The following ETNK1 variants were observed in gnomAD, a reference collection of about 807,000 sequenced individuals.
ETNK1 encodes putative protein product of Nbla10396.
A neutral mutation model predicts 45.1 loss-of-function variants in ETNK1; 8 were observed. The observed-to-expected ratio is 0.18, with a 90% CI of 0.10 to 0.32. ETNK1 has a LOEUF of 0.32. Ranked by LOEUF, ETNK1 falls within the 10% of genes least tolerant of loss-of-function variation. The probability of loss-of-function intolerance (pLI) is 1.00; values close to 1 mark genes in which losing one functional copy is unlikely to be tolerated. For synonymous variants in ETNK1, 152 were observed against 151.9 expected, an observed-to-expected ratio of 1.00 and a Z score of -0.01; for missense variants, 302 against 430.6, an observed-to-expected ratio of 0.70 and a Z score of 2.64.
intron 1 of ETNK1, among the ~76,000 whole-genome samples, chr12:22,629,772 C>A (rs1169854761): frequency 6.6e-6 from 1 of 152,054 alleles, no homozygotes; most frequent in African/African-American, 2.4e-5. Flanking sequence ...TATTAGTTTA[C>A]TTTCCCTAAG....
At position 22,687,673 on chromosome 12, in the gene ETNK1, T is replaced by C. The variant is rs2137583173; in HGVS notation, c.*2719T>C. On this transcript the variant is annotated 3_prime_UTR_variant, in exon 8 of 8. Transcript: ENST00000266517. ...AAATCATACAGTACACACGATCATCTGAGATCAATATGAGCACAAAACTCA... is the reference window on the plus strand; with the variant it reads ...AAATCATACAGTACACACGATCATCCGAGATCAATATGAGCACAAAACTCA... 1 of 152,384 alleles carries C rather than the reference T, an allele frequency of 6.6e-6. No individual in the cohort carries two copies. The highest frequency in any genetic ancestry group is 2.1e-4 in the South Asian group (1 of 4,826). 9.4% of individuals were successfully genotyped at this position (152,384 alleles called of 1,614,324 possible).
At chr12:22,638,684 A>G (rs1012789926) in intron 1 of ETNK1, 2 of 152,164 alleles carry the variant, frequency 1.3e-5, no homozygotes, top group African/African-American at 4.8e-5. Context: ...TATGTTTTGT[A>G]ATTCTCTAAT....
chr12:22,641,773 C>T (rs73080479), intron 1 of ETNK1, among the ~76,000 whole-genome samples: 9,672 of 152,066 alleles, frequency 0.064, 442 homozygotes, highest in South Asian at 0.14. Flanking sequence ...TTGATAAATG[C>T]GAGATTATAT....
intron 4 of ETNK1, among the ~76,000 whole-genome samples, chr12:22,670,499 A>G (rs951468674): frequency 2.0e-5 from 3 of 152,142 alleles, no homozygotes; most frequent in African/African-American, 7.2e-5. Flanking sequence ...GAGTAGTAGT[A>G]TGAAAGAACT....
intron 2 of ETNK1, 125 bp downstream of exon 2, chr12:22,644,147 A>G (rs1320782695): frequency 1.3e-6 from 2 of 1,507,644 alleles, no homozygotes; most frequent in Admixed American, 4.3e-5. Flanking sequence ...TTCTTTAGCT[A>G]GGGTTTTTGT....
At chr12:22,634,096 C>G (rs1300871161) in intron 1 of ETNK1, among the ~76,000 whole-genome samples, 1 of 152,040 alleles carries the variant, frequency 6.6e-6, no homozygotes, top group Non-Finnish European at 1.5e-5. Context: ...TCTTTAATGA[C>G]TCTACCAGAT....
chr12:22,645,131 A>G (rs1345154490), intron 2 of ETNK1, among the ~76,000 whole-genome samples: 2 of 151,954 alleles, frequency 1.3e-5, no homozygotes, highest in East Asian at 1.9e-4. Flanking sequence ...CTGTGTGTCA[A>G]TTGTTTTGTG....
chr12:22,626,312 T>C (rs1463173214), intron 1 of ETNK1: 2 of 152,664 alleles, frequency 1.3e-5, no homozygotes, highest in Non-Finnish European at 2.9e-5. Context: ...TTCTAATAAG[T>C]TGGAAGTTAT....
intron 1 of ETNK1, among the ~76,000 whole-genome samples, chr12:22,633,328 C>T (rs956780017): frequency 6.6e-6 from 1 of 152,204 alleles, no homozygotes; most frequent in African/African-American, 2.4e-5. Context: ...CTTGGCCTCC[C>T]AAAGTGCTGG....
chr12:22,669,406 C>A (rs541941486), intron 4 of ETNK1, among the ~76,000 whole-genome samples: 5 of 151,462 alleles, frequency 3.3e-5, no homozygotes, highest in African/African-American at 1.2e-4. Context: ...TTCATCCTTC[C>A]CCCCCATGCA....
intron 6 of ETNK1, among the ~76,000 whole-genome samples, chr12:22,678,698 A>G (rs1311398230): frequency 1.3e-5 from 2 of 152,238 alleles, no homozygotes. Flanking sequence ...TGAGCTTTTT[A>G]CGATTAGTTT....
chr12:22,643,556 A>G (rs180975556), intron 1 of ETNK1, among the ~76,000 whole-genome samples: 41 of 152,210 alleles, frequency 2.7e-4, no homozygotes, highest in Middle Eastern at 6.8e-3. Context: ...ATTAAGGGCA[A>G]CATGTTAACA....
Position 22,676,974 on chromosome 12 carries a change from C to T in ETNK1, c.945+3314C>T, listed in dbSNP as rs549924701. Among the ~76,000 whole-genome samples, 38 of 151,986 alleles carry T rather than the reference C, an allele frequency of 2.5e-4. 1 individual carries two copies. The highest frequency in any genetic ancestry group is 8.0e-4 in the African/African-American group (33 of 41,490). ...TCTGTGGGTTGCCTGTTCACTCTGA[C>T]GATAGTTTCTTTTGCTGTGCAGAAG... is the stretch of plus-strand genomic sequence containing the variant. On this transcript the variant is annotated intron_variant, in intron 6 of 7. Coordinates refer to ENST00000266517, the MANE Select transcript of ETNK1 (RefSeq NM_018638.5).
intron 2 of ETNK1, among the ~76,000 whole-genome samples, chr12:22,650,759 A>G (rs1434638239): frequency 6.6e-6 from 1 of 152,076 alleles, no homozygotes; most frequent in Non-Finnish European, 1.5e-5. Flanking sequence ...AAATATAAAA[A>G]TGTAGCATTT....
chr12:22,643,382 G>A (rs1953763330), intron 1 of ETNK1, among the ~76,000 whole-genome samples: 1 of 151,968 alleles, frequency 6.6e-6, no homozygotes, highest in Admixed American at 6.6e-5. Flanking sequence ...TTCCCTGTAT[G>A]TGTACATTCC....
In ETNK1 at chr12:22,687,781, CTG is replaced by C. The variant is rs1454977701; in HGVS notation, c.*2831_*2832del. Reference sequence around the variant, plus strand: ...TGTGAACTGTATCTTGCATATGAGACTGTGTATTGTTTTGCATTCTCTTCCCT... The same window carrying C: ...TGTGAACTGTATCTTGCATATGAGACTGTATTGTTTTGCATTCTCTTCCCT... On this transcript the variant is annotated 3_prime_UTR_variant, in exon 8 of 8. Transcript: ENST00000266517. 1 of 152,218 alleles carries C rather than the reference CTG, an allele frequency of 6.6e-6. No individual in the cohort carries two copies. Among genetic ancestry groups the C allele is most frequent in the East Asian group, 1.9e-4 (1 of 5,186 alleles). 9.4% of individuals were successfully genotyped at this position (152,218 alleles called of 1,614,324 possible).
chr12:22,656,864 T>C (rs1953948340), intron 2 of ETNK1: 1 of 906,252 alleles, frequency 1.1e-6, no homozygotes, highest in Non-Finnish European at 1.3e-6. Context: ...TTTCAGTAAA[T>C]ATTTCTAAGA....
At chr12:22,646,352 T>C (rs1953806990) in intron 2 of ETNK1, among the ~76,000 whole-genome samples, 1 of 151,766 alleles carries the variant, frequency 6.6e-6, no homozygotes. Context: ...GGTGAAATAC[T>C]TCTAAAATAC....
At chr12:22,644,279 C>A in intron 2 of ETNK1, 1 of 1,605,218 alleles carries the variant, frequency 6.2e-7, no homozygotes, top group Non-Finnish European at 8.5e-7. Context: ...TGCAGAGGGT[C>A]AAGGCTTCTG....
Sources: gnomAD v4.1 joint callset for allele counts (sites outside exome capture counted in the v4.1 genomes callset) on GRCh38, gnomAD v4.1.1 for gene constraint, MANE v1.5 for transcripts, NCBI Gene and HGNC (gene_info 2026-07-23, HGNC 2026-07-21) for gene names.